PTPRN2: variants seen among roughly 807,000 people sequenced by gnomAD.
PTPRN2 encodes receptor-type tyrosine-protein phosphatase N2.
Under a neutral mutation model 118.8 loss-of-function variants are expected in PTPRN2, and 74 were observed. That is an observed-to-expected ratio of 0.62 (90% CI 0.52 to 0.76). PTPRN2 has a LOEUF of 0.76. Ranked by LOEUF, PTPRN2 falls within the 30% of genes least tolerant of loss-of-function variation. The probability of loss-of-function intolerance (pLI) is 0.00; values close to 1 mark genes in which losing one functional copy is unlikely to be tolerated. For synonymous variants in PTPRN2, 641 were observed against 608.0 expected (o/e 1.05, Z -0.80); for missense variants, 1,481 against 1,394.4 (o/e 1.06, Z -0.99).
At chr7:158,444,484 C>T (rs557168080) in intron 2 of PTPRN2, among the ~76,000 whole-genome samples, 16 of 152,342 alleles carry the variant, frequency 1.1e-4, no homozygotes, top group Admixed American at 7.8e-4. Flanking sequence ...GCTGCCCTCC[C>T]GGCTGGGGGC....
chr7:158,446,660 A>G (rs979409729), intron 2 of PTPRN2, among the ~76,000 whole-genome samples: 8 of 152,232 alleles, frequency 5.3e-5, no homozygotes, highest in Admixed American at 1.3e-4. Flanking sequence ...TTCCTCAGAG[A>G]TTACTTGGTT....
intron 12 of PTPRN2, among the ~76,000 whole-genome samples, chr7:157,795,376 C>T (rs571567263): frequency 2.6e-4 from 40 of 152,344 alleles, no homozygotes; most frequent in South Asian, 2.3e-3. Context: ...GCAAAATCTC[C>T]GACTCCACAT....
intron 11 of PTPRN2, among the ~76,000 whole-genome samples, chr7:157,945,564 C>T (rs1042263947): frequency 5.3e-5 from 8 of 152,074 alleles, no homozygotes; most frequent in African/African-American, 1.9e-4. Flanking sequence ...GCCTCCAACT[C>T]GAACAATGCC....
chr7:158,300,303 C>A (rs546494488), intron 3 of PTPRN2, among the ~76,000 whole-genome samples: 15 of 152,302 alleles, frequency 9.8e-5, no homozygotes, highest in African/African-American at 3.6e-4. Context: ...ATAAAGCAAA[C>A]GGCCAAAGGT....
At chr7:158,060,239 A>C (rs1423046114) in intron 11 of PTPRN2, among the ~76,000 whole-genome samples, 3 of 119,578 alleles carry the variant, frequency 2.5e-5, no homozygotes, top group African/African-American at 8.7e-5. Context: ...CTCCATCTGC[A>C]CACGGTGACA....
intron 1 of PTPRN2, among the ~76,000 whole-genome samples, chr7:158,534,691 T>C (rs938891928): frequency 1.3e-5 from 2 of 152,184 alleles, no homozygotes; most frequent in Non-Finnish European, 2.9e-5. Context: ...AGGCCAAAGC[T>C]AGCCTACCAC....
chr7:157,707,383 AC>A (rs111762867), intron 12 of PTPRN2, among the ~76,000 whole-genome samples: 88 of 151,036 alleles, frequency 5.8e-4, no homozygotes, highest in Non-Finnish European at 7.5e-4. Flanking sequence ...GTGCATGGAC[AC>A]CCCCCCCACA....
In PTPRN2 at chr7:157,929,831, C is replaced by T. The variant is rs537393115; in HGVS notation, c.1724-31094G>A. Among the ~76,000 whole-genome samples the T allele has an allele frequency of 3.3e-5, 5 of 152,228 alleles. 1 individual carries two copies. Among genetic ancestry groups the T allele is most frequent in the African/African-American group, 9.6e-5 (4 of 41,554 alleles). ...TCCCAGTGCCCACTGGTGGTGTTCCCGGGACACCAGGCACTGGAGGTCGGC... is the reference window on the plus strand; with the variant it reads ...TCCCAGTGCCCACTGGTGGTGTTCCTGGGACACCAGGCACTGGAGGTCGGC... On this transcript the variant is annotated intron_variant, in intron 11 of 22. Transcript: ENST00000389418. The surrounding 1 kb of genome is among the most constrained non-coding windows in gnomAD (Gnocchi z 4.4).
intron 5 of PTPRN2, among the ~76,000 whole-genome samples, chr7:158,174,080 T>C (rs1338841265): frequency 6.6e-6 from 1 of 152,184 alleles, no homozygotes; most frequent in Non-Finnish European, 1.5e-5. Context: ...TATAAGAGTA[T>C]TGAGTGGGGA....
intron 2 of PTPRN2, among the ~76,000 whole-genome samples, chr7:158,356,069 T>TG (rs1808364363): frequency 6.6e-6 from 1 of 152,186 alleles, no homozygotes; most frequent in Admixed American, 6.5e-5. Flanking sequence ...CACACACATA[T>TG]AAATCAATGG....
At chr7:158,337,343 G>A (rs1371343165) in intron 2 of PTPRN2, among the ~76,000 whole-genome samples, 3 of 143,444 alleles carry the variant, frequency 2.1e-5, no homozygotes, top group African/African-American at 7.9e-5. Flanking sequence ...ACCCTAAGAG[G>A]TGACACCTGC....
chr7:158,326,105 C>T (rs1413281908), intron 2 of PTPRN2, among the ~76,000 whole-genome samples: 1 of 152,216 alleles, frequency 6.6e-6, no homozygotes, highest in Admixed American at 6.5e-5. Context: ...ATACCCGCCG[C>T]AGGTCTTGAG....
At chr7:158,009,979 C>T (rs1219206197) in intron 11 of PTPRN2, among the ~76,000 whole-genome samples, 1 of 152,172 alleles carries the variant, frequency 6.6e-6, no homozygotes, top group African/African-American at 2.4e-5. Context: ...CACTGTCTCC[C>T]GCCCATCCTT....
chr7:157,569,202 T>A (rs1357700160), intron 20 of PTPRN2, among the ~76,000 whole-genome samples: 1 of 152,272 alleles, frequency 6.6e-6, no homozygotes, highest in Admixed American at 6.5e-5. Context: ...TGAGCTGCTG[T>A]GCTCAGATGT....
At chr7:158,138,936 G>A (rs953690587) in intron 6 of PTPRN2, among the ~76,000 whole-genome samples, 20 of 151,782 alleles carry the variant, frequency 1.3e-4, no homozygotes, top group Admixed American at 3.9e-4. Flanking sequence ...CAAGGACAGC[G>A]CCCTGCCCAG....
At chr7:158,340,607 C>A (rs200143596) in intron 2 of PTPRN2, among the ~76,000 whole-genome samples, 1 of 113,604 alleles carries the variant, frequency 8.8e-6, no homozygotes, top group Non-Finnish European at 1.9e-5. Context: ...TCACTCACAC[C>A]CACACACGTC....
chr7:157,890,824 T>C (rs979822291), intron 12 of PTPRN2, among the ~76,000 whole-genome samples: 3 of 152,188 alleles, frequency 2.0e-5, no homozygotes, highest in Admixed American at 1.3e-4. Flanking sequence ...GCTCTCCACC[T>C]CACCTGTTGG....
At chr7:158,178,585 CTTTCTT>C (rs1474882903) in intron 5 of PTPRN2, among the ~76,000 whole-genome samples, 4 of 74,196 alleles carry the variant, frequency 5.4e-5, no homozygotes, top group South Asian at 4.5e-4. Flanking sequence ...ACTACATTTT[CTTTCTT>C]TTTTTTTTTT....
intron 17 of PTPRN2, among the ~76,000 whole-genome samples, chr7:157,581,285 G>A (rs1368467565): frequency 6.6e-6 from 1 of 152,244 alleles, no homozygotes; most frequent in South Asian, 2.1e-4. Context: ...ACGCTTTGGA[G>A]GAAAACTGAT....
Sources: allele counts gnomAD v4.1 joint callset (sites outside exome capture counted in the v4.1 genomes callset), GRCh38; gene constraint gnomAD v4.1.1; non-coding constraint Gnocchi (gnomAD v3.1); transcripts MANE v1.5; gene names NCBI Gene and HGNC (gene_info 2026-07-23, HGNC 2026-07-21).